Variants in ZBED6 observed in about 807,000 individuals in gnomAD.
The protein encoded by ZBED6 is zinc finger BED-type containing 6.
Under a neutral mutation model 58.4 loss-of-function variants are expected in ZBED6, and 40 were observed. The ratio of observed to expected loss-of-function variants is 0.68; its 90% CI spans 0.53 to 0.89. ZBED6 has a LOEUF of 0.89. Ranked by LOEUF, ZBED6 falls within the 40% of genes least tolerant of loss-of-function variation. ZBED6 has a pLI of 0.00. For synonymous variants in ZBED6, 439 were observed against 350.6 expected (o/e 1.25, Z -2.82); for missense variants, 1,057 against 1,003.9 (o/e 1.05, Z -0.71).
chr1:203,841,143 T>G (rs905962705), intron 11 of ZBED6, among the ~76,000 whole-genome samples: 46 of 132,556 alleles, frequency 3.5e-4, no homozygotes, highest in African/African-American at 1.2e-3. Flanking sequence ...CATAAGAATC[T>G]TTTTTTTTTT....
rs752834525 is a variant in ZBED6, at chr1:203,829,844, C to T, written c.*3266C>T. 7.4e-6 allele frequency: 12 copies of T among 1,614,152 alleles called. No homozygotes were observed. In the South Asian group the frequency reaches 1.2e-4, roughly 16 times the overall value. ...CCCTGCAACCAACTCCTGAAGTTCA[C>T]AATGGATTACGAGTGACTTCTGTCC... On this transcript the variant is annotated 3_prime_UTR_variant, in exon 6 of 17. Coordinates refer to ENST00000550078, the Ensembl canonical transcript of ZBED6.
In ZBED6 at chr1:203,827,350, C is replaced by CT. The variant is rs200907717; in HGVS notation, c.*2874-934dup. Reference sequence around the variant, plus strand: ...ATTCTATTCTAGATGCACAGGTATTCTTTTTTTTTTTTTTTCTCCCAATTT... The same window carrying CT: ...ATTCTATTCTAGATGCACAGGTATTCTTTTTTTTTTTTTTTTCTCCCAATTT... On this transcript the variant is annotated intron_variant, in intron 3 of 16. Transcript: ENST00000550078. Among the ~76,000 whole-genome samples the CT allele has an allele frequency of 3.9e-3, 545 of 140,056 alleles. 4 individuals are homozygous for CT. The highest frequency in any genetic ancestry group is 8.8e-3 in the African/African-American group (340 of 38,448). The allele number at this position is 140,056 out of a possible 152,430, so 91.9% of individuals were successfully genotyped here.
In ZBED6 at chr1:203,805,694, C is replaced by T. The variant is rs891821573; in HGVS notation, c.*2554+2678C>T. On this transcript the variant is annotated intron_variant, in intron 1 of 16. Transcript: ENST00000550078. ...CTTGTTTTTGTGACAGTGGGAACAC[C>T]TTCTGGAATTGCAGGTGCAGATGCT... 18 of 666,906 alleles carry T rather than the reference C, an allele frequency of 2.7e-5. No individual in the cohort carries two copies. The Middle Eastern group carries it at 1.4e-3, about 51-fold the overall frequency. 41.3% of individuals were successfully genotyped at this position (666,906 alleles called of 1,614,324 possible).
At chr1:203,798,237 G>C (rs890271721) in exon 1 of ZBED6, 4 of 1,536,100 alleles carry the variant, frequency 2.6e-6, no homozygotes, top group Admixed American at 2.0e-5. Flanking sequence ...AGCATCTGAT[G>C]CCCTAAGGGC....
intron 7 of ZBED6, 110 bp downstream of exon 7, chr1:203,830,313 C>G: frequency 1.2e-6 from 1 of 849,860 alleles, no homozygotes. Flanking sequence ...ATTTCCATGG[C>G]CTGTTTGAAG....
chr1:203,825,404 G>T (rs1055895377), intron 3 of ZBED6, among the ~76,000 whole-genome samples: 1 of 147,796 alleles, frequency 6.8e-6, no homozygotes, highest in African/African-American at 2.5e-5. Flanking sequence ...ACATAATTAT[G>T]TAGGAGAAAT....
At chr1:203,851,625 C>T (rs1480467062) in intron 16 of ZBED6, among the ~76,000 whole-genome samples, 1 of 152,060 alleles carries the variant, frequency 6.6e-6, no homozygotes, top group Non-Finnish European at 1.5e-5. Context: ...CTACCATGCC[C>T]GGCCCCTGAA....
chr1:203,837,841 A>G, intron 9 of ZBED6, 125 bp from the exon 10 acceptor site: 1 of 864,274 alleles, frequency 1.2e-6, no homozygotes, highest in Non-Finnish European at 1.8e-6. Flanking sequence ...AAGCTGGTGA[A>G]CAAACACGCC....
chr1:203,800,601 G>A lies in ZBED6; in HGVS notation c.*139G>A, dbSNP rs564059098. On this transcript the variant is annotated 3_prime_UTR_variant, in exon 1 of 17. Transcript: ENST00000550078. ...TCACACAAGGGCTGAAAATTCCTCA[G>A]AGGCAATATAATTTTGATAAAATGA... is the stretch of plus-strand genomic sequence containing the variant. The A allele has an allele frequency of 1.5e-5, 10 of 683,002 alleles. No individual in the cohort carries two copies. The African/African-American group carries it at 1.9e-4, about 13-fold the overall frequency. 42.3% of individuals were successfully genotyped at this position (683,002 alleles called of 1,614,324 possible). A position where few individuals can be genotyped will look rare whatever the true frequency, so the allele number is the denominator to read the frequency against.
chr1:203,841,102 A>T (rs1164504428), intron 11 of ZBED6, among the ~76,000 whole-genome samples: 1 of 151,366 alleles, frequency 6.6e-6, no homozygotes, highest in African/African-American at 2.4e-5. Context: ...CAGAGAGCAC[A>T]TACCACTTTT....
chr1:203,831,812 T>G (rs1432062933), intron 8 of ZBED6, 41 bp downstream of exon 8: 13 of 1,507,100 alleles, frequency 8.6e-6, no homozygotes, highest in Non-Finnish European at 9.1e-6. Flanking sequence ...AGCCTCTACT[T>G]TTATATAATT....
exon 1 of ZBED6, chr1:203,798,558 A>G (rs1669441858): frequency 4.6e-6 from 7 of 1,536,030 alleles, no homozygotes; most frequent in Non-Finnish European, 6.1e-6. Flanking sequence ...CTTGAGTGAT[A>G]CCTTGCATGG....
chr1:203,805,641 A>C (rs1672068073), intron 1 of ZBED6: 1 of 698,626 alleles, frequency 1.4e-6, no homozygotes, highest in Admixed American at 1.8e-5. Context: ...ATCTGTGGCA[A>C]TCCAAATTCA....
At chr1:203,851,020 T>C (rs1689120379) in intron 15 of ZBED6, 37 bp from the exon 16 acceptor site, 3 of 1,607,820 alleles carry the variant, frequency 1.9e-6, no homozygotes, top group African/African-American at 2.7e-5. Flanking sequence ...TTAAAAAGCC[T>C]GACTCTCACT....
chr1:203,847,745 T>G, intron 12 of ZBED6, 58 bp downstream of exon 12: 3 of 1,559,956 alleles, frequency 1.9e-6, no homozygotes, highest in Non-Finnish European at 2.6e-6. Flanking sequence ...CAGAGGAGTG[T>G]TCCGTGGGAT....
At chr1:203,797,921 C>T (rs1198384538) in exon 1 of ZBED6, 10 of 1,535,768 alleles carry the variant, frequency 6.5e-6, no homozygotes, top group Non-Finnish European at 8.7e-6. Flanking sequence ...CCAAGACCTC[C>T]ATTGTGTGGC....
chr1:203,838,011 T>C (rs1322776615), exon 10 of ZBED6: 1 of 1,614,180 alleles, frequency 6.2e-7, no homozygotes, highest in Non-Finnish European at 8.5e-7. Flanking sequence ...GCACAGAGGC[T>C]AGGGAAGAAA....
chr1:203,812,320 A>C (rs955227068), intron 1 of ZBED6, among the ~76,000 whole-genome samples: 1 of 152,030 alleles, frequency 6.6e-6, no homozygotes, highest in African/African-American at 2.4e-5. Context: ...GTTCCCCTCT[A>C]TGTGTCCAAG....
At chr1:203,806,071 C>A (rs576460011) in intron 1 of ZBED6, 2 of 510,448 alleles carry the variant, frequency 3.9e-6, no homozygotes, top group African/African-American at 1.9e-5. Context: ...TTTTAAAACT[C>A]GCAAGGCTTT....
Sources: gnomAD v4.1 joint callset for allele counts (sites outside exome capture counted in the v4.1 genomes callset) on GRCh38, gnomAD v4.1.1 for gene constraint, MANE v1.5 for transcripts, NCBI Gene and HGNC (gene_info 2026-07-23, HGNC 2026-07-21) for gene names.